Variants in HERC4 observed in about 807,000 individuals in gnomAD.
HERC4 encodes the protein HECT and RLD domain containing E3 ubiquitin protein ligase 4.
HERC4 carries 28 observed loss-of-function variants against 124.3 expected under a neutral mutation model. That is an observed-to-expected ratio of 0.23 (90% confidence interval 0.17 to 0.31). The LOEUF is 0.31. Among genes scored for constraint, HERC4 ranks in the 10% least tolerant of loss-of-function variants. The pLI is 1.00. For missense variants in HERC4, 713 were observed against 1,229.3 expected (o/e 0.58, Z 6.28); for synonymous variants, 407 against 421.5 (o/e 0.97, Z 0.42).
intron 3 of HERC4, chr10:68,067,110 A>C (rs1478573868): frequency 6.6e-6 from 1 of 152,618 alleles, no homozygotes; most frequent in African/African-American, 2.4e-5. Flanking sequence ...TTTCTCCGTA[A>C]ATTTATCCCC....
At chr10:68,032,593 T>C (rs1035702002) in intron 7 of HERC4, among the ~76,000 whole-genome samples, 185 bp downstream of exon 7, 2 of 152,138 alleles carry the variant, frequency 1.3e-5, no homozygotes, top group Admixed American at 1.3e-4. Context: ...TTTAATAACA[T>C]AAAACAACAT....
At chr10:68,063,949 T>C (rs990319247) in intron 3 of HERC4, among the ~76,000 whole-genome samples, 1 of 147,900 alleles carries the variant, frequency 6.8e-6, no homozygotes, top group Non-Finnish European at 1.5e-5. Flanking sequence ...CAAATAATAA[T>C]TAAGAAACAG....
chr10:67,929,871 G>A (rs1030891054), intron 23 of HERC4, among the ~76,000 whole-genome samples: 4 of 150,228 alleles, frequency 2.7e-5, no homozygotes, highest in South Asian at 2.1e-4. Flanking sequence ...GGAGTGCAAC[G>A]GCACGATCTC....
intron 9 of HERC4, among the ~76,000 whole-genome samples, chr10:68,003,514 C>T (rs1272622610): frequency 6.6e-6 from 1 of 151,862 alleles, no homozygotes; most frequent in Non-Finnish European, 1.5e-5. Flanking sequence ...CTCCCCTTAC[C>T]CCACTACCCT....
intron 15 of HERC4, among the ~76,000 whole-genome samples, chr10:67,973,369 G>A (rs867265959): frequency 5.3e-5 from 8 of 152,146 alleles, no homozygotes; most frequent in Non-Finnish European, 8.8e-5. Context: ...GACCTCAACC[G>A]TCTCTAGGTT....
At chr10:67,985,055 G>T (rs1028623941) in intron 15 of HERC4, among the ~76,000 whole-genome samples, 21 of 152,128 alleles carry the variant, frequency 1.4e-4, no homozygotes, top group African/African-American at 5.1e-4. Flanking sequence ...GTTAATGTTA[G>T]AATAAAAATA....
chr10:68,073,299 T>C (rs1349778665), intron 2 of HERC4, 113 bp from the exon 3 acceptor site: 5 of 547,370 alleles, frequency 9.1e-6, no homozygotes, highest in Non-Finnish European at 1.6e-5. Flanking sequence ...ATATACTTTA[T>C]AACATGCTAC....
At chr10:67,923,310 C>T (rs183594285) in intron 24 of HERC4, among the ~76,000 whole-genome samples, 171 bp from the exon 25 acceptor site, 4 of 152,294 alleles carry the variant, frequency 2.6e-5, no homozygotes. Context: ...TCTAATTGCT[C>T]ATCCACACAA....
At chr10:68,028,455 A>T (rs1387167251) in intron 7 of HERC4, among the ~76,000 whole-genome samples, 1 of 152,174 alleles carries the variant, frequency 6.6e-6, no homozygotes, top group African/African-American at 2.4e-5. Context: ...CACCGTAGTA[A>T]TCTTTGCTTT....
rs1277710471 is a variant in HERC4 at position 67,927,414 on chromosome 10, ATATATATATATATATATT to A, written c.2839-2245_2839-2228del. Among the ~76,000 whole-genome samples the A allele has an allele frequency of 4.6e-3, 40 of 8,680 alleles. 2 individuals carry two copies. The highest frequency in any genetic ancestry group is 0.014 in the African/African-American group (32 of 2,246). 5.7% of individuals were successfully genotyped at this position (8,680 alleles called of 152,430 possible). On this transcript the variant is annotated intron_variant, in intron 23 of 24. Transcript: ENST00000373700. ...TATATATATATATATATATATATATATATATATATATATATATTTTTTTTTTTTTTTAGATAGAGTCTT... is the reference window on the plus strand; with the variant it reads ...TATATATATATATATATATATATATATTTTTTTTTTTTTAGATAGAGTCTT...
At chr10:68,054,442 C>T (rs1434415130) in intron 3 of HERC4, among the ~76,000 whole-genome samples, 1 of 151,702 alleles carries the variant, frequency 6.6e-6, no homozygotes, top group Non-Finnish European at 1.5e-5. Context: ...CAACCTCCAC[C>T]TCCCAGGTTC....
chr10:67,944,510 G>A (rs537298366), intron 19 of HERC4, among the ~76,000 whole-genome samples: 1 of 152,284 alleles, frequency 6.6e-6, no homozygotes, highest in East Asian at 1.9e-4. Flanking sequence ...AGACTGTGAA[G>A]ACTACAATAA....
chr10:68,039,338 A>C, intron 4 of HERC4: 1 of 1,478,790 alleles, frequency 6.8e-7, no homozygotes, highest in Non-Finnish European at 9.0e-7. Flanking sequence ...AAAAAAAGAA[A>C]GAAAGAAAAG....
intron 4 of HERC4, among the ~76,000 whole-genome samples, chr10:68,042,619 T>A (rs1276950855): frequency 6.6e-6 from 1 of 152,150 alleles, no homozygotes; most frequent in Non-Finnish European, 1.5e-5. Context: ...TGAGACTTTG[T>A]CTCAAGAAAC....
At chr10:67,984,021 G>A (rs558076925) in intron 15 of HERC4, among the ~76,000 whole-genome samples, 7 of 152,130 alleles carry the variant, frequency 4.6e-5, no homozygotes, top group African/African-American at 1.7e-4. Context: ...TACTATTCTG[G>A]CCAGGCTTGG....
intron 15 of HERC4, among the ~76,000 whole-genome samples, chr10:67,969,558 G>A (rs938451992): frequency 3.3e-5 from 5 of 152,068 alleles, no homozygotes; most frequent in South Asian, 4.2e-4. Flanking sequence ...ACAAAGGCCC[G>A]TCACCCTGCC....
chr10:68,010,426 T>G lies in HERC4; in HGVS notation c.1069+3600A>C, dbSNP rs987179449. The G allele has an allele frequency of 3.2e-6, 3 of 935,104 alleles. No homozygotes were observed. In the African/African-American group the frequency reaches 4.9e-5, roughly 15 times the overall value. 57.9% of individuals were successfully genotyped at this position (935,104 alleles called of 1,614,324 possible). A position where few individuals can be genotyped will look rare whatever the true frequency, so the allele number is the denominator to read the frequency against. On this transcript the variant is annotated intron_variant, in intron 9 of 24. Transcript: ENST00000373700. Reference sequence around the variant, plus strand: ...AAATCCTCTCATGGTGCATAATCACTGCTTGATTGCTTGCCCTTCTGGCGC... The same window carrying G: ...AAATCCTCTCATGGTGCATAATCACGGCTTGATTGCTTGCCCTTCTGGCGC...
At chr10:67,954,842 G>GT in intron 18 of HERC4, 104 bp from the exon 19 acceptor site, 1 of 1,198,756 alleles carries the variant, frequency 8.3e-7, no homozygotes, top group South Asian at 2.1e-5. Context: ...ACAATTAATA[G>GT]TTTAAAATAA....
At chr10:67,924,969 A>C (rs1219666781) in intron 24 of HERC4, 116 bp downstream of exon 24, 3 of 579,436 alleles carry the variant, frequency 5.2e-6, no homozygotes, top group Non-Finnish European at 6.2e-6. Flanking sequence ...CATGTACTGA[A>C]GAGTGCAGAT....
Sources: gnomAD v4.1 joint callset for allele counts (sites outside exome capture counted in the v4.1 genomes callset) on GRCh38, gnomAD v4.1.1 for gene constraint, MANE v1.5 for transcripts, NCBI Gene and HGNC (gene_info 2026-07-23, HGNC 2026-07-21) for gene names.